The following NEK5 variants were observed in gnomAD, a reference collection of about 807,000 sequenced individuals.
The protein encoded by NEK5 is NIMA related kinase 5, also known as serine/threonine-protein kinase Nek5.
In NEK5, 88 loss-of-function variants were observed where a neutral mutation model predicts 109.2. The ratio of observed to expected loss-of-function variants is 0.81; its 90% CI spans 0.68 to 0.96. The LOEUF (loss-of-function observed/expected upper bound fraction) is 0.96, where lower values mean the gene tolerates loss of function less well. NEK5 is among the 40% of genes least tolerant of loss of function. The pLI is 0.00. For missense variants in NEK5, 834 were observed against 920.7 expected, an observed-to-expected ratio of 0.91 and a Z score of 1.22; for synonymous variants, 283 against 299.9, an observed-to-expected ratio of 0.94 and a Z score of 0.58.
rs759029661 is a variant in NEK5, at chr13:52,088,495, C to T, written c.1275+752G>A. On this transcript the variant is annotated intron_variant, in intron 14 of 23. Transcript: ENST00000684899. ...ATCTTGAACTCCTGATCTTATGATC[C>T]GCCCACCTTGGCCTCCCAAAGTGCT... Among the ~76,000 whole-genome samples the T allele has an allele frequency of 1.9e-4, 29 of 150,946 alleles. No homozygotes were observed. The Middle Eastern group carries it at 0.01, about 54-fold the overall frequency.
At chr13:52,089,907 A>C (rs1229138980) in intron 13 of NEK5, among the ~76,000 whole-genome samples, 1 of 152,050 alleles carries the variant, frequency 6.6e-6, no homozygotes, top group Non-Finnish European at 1.5e-5. Context: ...GGTTGCAGTA[A>C]GCCAAAATCG....
intron 9 of NEK5, among the ~76,000 whole-genome samples, chr13:52,103,210 C>T (rs756490829): frequency 1.3e-5 from 2 of 152,312 alleles, no homozygotes; most frequent in Admixed American, 1.3e-4. Context: ...GGGCAGATCA[C>T]CCAAGGTCAG....
intron 16 of NEK5, 87 bp downstream of exon 16, chr13:52,086,190 A>G (rs1955138610): frequency 2.2e-6 from 2 of 892,996 alleles, no homozygotes; most frequent in Non-Finnish European, 3.7e-6. Context: ...TATCTTTTCT[A>G]TAAGGAAATC....
intron 22 of NEK5, among the ~76,000 whole-genome samples, chr13:52,055,962 G>A (rs1401332620): frequency 3.3e-5 from 5 of 151,758 alleles, no homozygotes; most frequent in African/African-American, 1.2e-4. Context: ...AACTTTAAAT[G>A]TAAATGGACT....
chr13:52,097,292 T>C (rs922168393), intron 12 of NEK5, among the ~76,000 whole-genome samples: 1 of 152,196 alleles, frequency 6.6e-6, no homozygotes, highest in Non-Finnish European at 1.5e-5. Flanking sequence ...AGGGCCACCA[T>C]TCTCCTGACT....
At chr13:52,108,146 T>C (rs1955689287) in intron 8 of NEK5, among the ~76,000 whole-genome samples, 172 bp downstream of exon 8, 1 of 152,008 alleles carries the variant, frequency 6.6e-6, no homozygotes, top group Non-Finnish European at 1.5e-5. Flanking sequence ...CCGCGAGAAA[T>C]AGCAACCCAA....
At chr13:52,123,846 T>A (rs1489032263) in intron 3 of NEK5, among the ~76,000 whole-genome samples, 4 of 152,028 alleles carry the variant, frequency 2.6e-5, no homozygotes, top group African/African-American at 4.8e-5. Context: ...CTTGAACAAG[T>A]GGGATCTTGA....
chr13:52,067,740 G>A (rs551693103), intron 20 of NEK5, among the ~76,000 whole-genome samples: 1 of 145,650 alleles, frequency 6.9e-6, no homozygotes, highest in South Asian at 2.2e-4. Context: ...GAGTGTGACT[G>A]GAGTGTGGTG....
intron 17 of NEK5, among the ~76,000 whole-genome samples, chr13:52,081,175 TAACTCTACAAGTAGA>T (rs1392028063): frequency 6.6e-6 from 1 of 152,176 alleles, no homozygotes; most frequent in Admixed American, 6.5e-5. Context: ...TTTGGAAAGA[TAACTCTACAAGTAGA>T]GACTTTTTTA....
chr13:52,108,134 G>A (rs567870977), intron 8 of NEK5, among the ~76,000 whole-genome samples, 184 bp downstream of exon 8: 3 of 152,016 alleles, frequency 2.0e-5, no homozygotes, highest in Non-Finnish European at 2.9e-5. Context: ...TCTCGTATTG[G>A]ACCGCGAGAA....
chr13:52,042,853 G>A (rs1954425146), intron 23 of NEK5, among the ~76,000 whole-genome samples: 1 of 151,672 alleles, frequency 6.6e-6, no homozygotes, highest in African/African-American at 2.4e-5. Flanking sequence ...ACCAACAAAA[G>A]GCTAGGAAAG....
chr13:52,074,464 TG>T (rs1954832801), intron 19 of NEK5, among the ~76,000 whole-genome samples: 1 of 152,172 alleles, frequency 6.6e-6, no homozygotes, highest in Non-Finnish European at 1.5e-5. Flanking sequence ...TACCTTTCAC[TG>T]TATACAAAAA....
At chr13:52,128,853 C>T (rs1342666869) in intron 1 of NEK5, 176 bp downstream of exon 1, 1 of 152,392 alleles carries the variant, frequency 6.6e-6, no homozygotes, top group Non-Finnish European at 1.5e-5. Flanking sequence ...TGGAGCGTTG[C>T]CATAGAGACC....
intron 23 of NEK5, among the ~76,000 whole-genome samples, chr13:52,043,489 A>G (rs1387424710): frequency 6.7e-6 from 1 of 149,654 alleles, no homozygotes; most frequent in Non-Finnish European, 1.5e-5. Flanking sequence ...GTGAGCCGAG[A>G]TCACACCACT....
At chr13:52,120,254 T>C (rs1201527401) in intron 3 of NEK5, among the ~76,000 whole-genome samples, 1 of 152,138 alleles carries the variant, frequency 6.6e-6, no homozygotes, top group East Asian at 1.9e-4. Flanking sequence ...TAAGCTTCAG[T>C]GTTTCCTGCC....
intron 23 of NEK5, among the ~76,000 whole-genome samples, chr13:52,039,236 A>C (rs1252550191): frequency 6.6e-6 from 1 of 152,218 alleles, no homozygotes; most frequent in Non-Finnish European, 1.5e-5. Flanking sequence ...GCACAGTCAC[A>C]CGATGAGTGT....
chr13:52,093,295 C>T, intron 12 of NEK5, 60 bp from the exon 13 acceptor site: 2 of 1,296,368 alleles, frequency 1.5e-6, no homozygotes, highest in East Asian at 2.3e-5. Flanking sequence ...TGCAGTGGCT[C>T]ACACCTGTAA....
intron 1 of NEK5, 33 bp from the exon 2 acceptor site, chr13:52,127,695 G>A (rs544635413): frequency 4.0e-6 from 2 of 496,856 alleles, no homozygotes; most frequent in African/African-American, 2.0e-5. Context: ...GGTCAGACAC[G>A]GGTCATAGCT....
intron 4 of NEK5, among the ~76,000 whole-genome samples, chr13:52,118,148 C>G (rs1268186250): frequency 6.6e-6 from 1 of 152,224 alleles, no homozygotes; most frequent in Non-Finnish European, 1.5e-5. Flanking sequence ...GTGCTCTGCA[C>G]AGTTTACATA....
Sources: gnomAD v4.1 joint callset for allele counts (sites outside exome capture counted in the v4.1 genomes callset) on GRCh38, gnomAD v4.1.1 for gene constraint, MANE v1.5 for transcripts, NCBI Gene and HGNC (gene_info 2026-07-23, HGNC 2026-07-21) for gene names.